Variants in ADGRV1 observed in about 807,000 individuals in gnomAD.
The protein encoded by ADGRV1 is G-protein coupled receptor 98.
Under a neutral mutation model 596.2 loss-of-function variants are expected in ADGRV1, and 359 were observed. The ratio of observed to expected loss-of-function variants is 0.60; its 90% CI spans 0.55 to 0.66. ADGRV1 has a LOEUF of 0.66. ADGRV1 is among the 30% of genes least tolerant of loss of function. The pLI is 0.00. For missense variants in ADGRV1, 7,274 were observed against 7,575.6 expected (o/e 0.96, Z 1.48); for synonymous variants, 2,681 against 2,679.2 (o/e 1.00, Z -0.02).
At chr5:90,620,757 C>T (rs71637308) in intron 4 of ADGRV1, among the ~76,000 whole-genome samples, 10,781 of 152,192 alleles carry the variant, frequency 0.071, 448 homozygotes, top group Non-Finnish European at 0.093. Flanking sequence ...TTTAATCTAT[C>T]TTGAATTAAT....
intron 87 of ADGRV1, among the ~76,000 whole-genome samples, chr5:91,132,229 AT>A (rs750787984): frequency 1.3e-5 from 2 of 152,222 alleles, no homozygotes; most frequent in Admixed American, 6.5e-5. Flanking sequence ...TATAGAACAA[AT>A]TGTTGAATTT....
intron 84 of ADGRV1, among the ~76,000 whole-genome samples, chr5:90,976,496 A>G (rs1374333185): frequency 1.3e-5 from 2 of 151,708 alleles, no homozygotes; most frequent in African/African-American, 2.4e-5. Flanking sequence ...ACTTTTTGCT[A>G]TAGTAAACAA....
chr5:90,643,416 A>C (rs2149431652), intron 13 of ADGRV1, among the ~76,000 whole-genome samples: 1 of 152,306 alleles, frequency 6.6e-6, no homozygotes, highest in Non-Finnish European at 1.5e-5. Context: ...GTTCAAAAAA[A>C]GAAATTTGAG....
At chr5:90,585,003 A>G (rs185018914) in intron 1 of ADGRV1, among the ~76,000 whole-genome samples, 1 of 152,304 alleles carries the variant, frequency 6.6e-6, no homozygotes, top group African/African-American at 2.4e-5. Context: ...TACCCATTTG[A>G]CAGAGGATGT....
intron 83 of ADGRV1, among the ~76,000 whole-genome samples, chr5:90,962,935 A>G (rs1201098951): frequency 1.3e-5 from 2 of 152,202 alleles, no homozygotes; most frequent in African/African-American, 4.8e-5. Context: ...AATTGCTTCA[A>G]AGAAAACATA....
chr5:90,642,012 C>G (rs917218251), intron 11 of ADGRV1, among the ~76,000 whole-genome samples: 1 of 152,126 alleles, frequency 6.6e-6, no homozygotes, highest in Non-Finnish European at 1.5e-5. Context: ...ATATTCCCTA[C>G]ATTTTCTTTT....
Position 90,811,084 on chromosome 5 carries a change from C to T in ADGRV1, c.15824C>T (p.Pro5275Leu), listed in dbSNP as rs754514658. The T allele has an allele frequency of 6.2e-7, 1 of 1,613,816 alleles. No individual in the cohort carries two copies. Among genetic ancestry groups the T allele is most frequent in the Admixed American group, 1.7e-5 (1 of 60,024 alleles). Reference protein sequence around the residue: ...RCAQMEPNALPFRGIYGISNL... With the variant: ...RCAQMEPNALLFRGIYGISNL... Reference sequence around the variant, plus strand: ...GCTCAGATGGAACCAAATGCATTGCCCTTTCGTGGTATCTATGGGATTTCC... The same window carrying T: ...GCTCAGATGGAACCAAATGCATTGCTCTTTCGTGGTATCTATGGGATTTCC... The change falls in exon 74 of 90, where the codon CCC becomes CTC. Residue 5275 changes from proline to leucine, a missense_variant. Physicochemically the swap from Pro to Leu is moderately conservative, Grantham distance 98. Coordinates refer to ENST00000405460, the MANE Select transcript of ADGRV1 (RefSeq NM_032119.4).
At chr5:90,838,632 T>C (rs1388521196) in intron 77 of ADGRV1, among the ~76,000 whole-genome samples, 2 of 152,170 alleles carry the variant, frequency 1.3e-5, no homozygotes, top group African/African-American at 4.8e-5. Flanking sequence ...AACAATATTT[T>C]CCCCAGTTTT....
chr5:90,755,223 G>A (rs1483080462), intron 55 of ADGRV1, 38 bp downstream of exon 55: 2 of 1,379,948 alleles, frequency 1.4e-6, no homozygotes, highest in South Asian at 1.4e-5. Context: ...CTAAAATAGA[G>A]GAAAATTCTC....
At chr5:90,939,896 G>T (rs933554912) in intron 83 of ADGRV1, among the ~76,000 whole-genome samples, 59 of 152,240 alleles carry the variant, frequency 3.9e-4, no homozygotes, top group Non-Finnish European at 4.9e-4. Flanking sequence ...GATTAAGAGA[G>T]ATTAGACATA....
chr5:90,695,236 T>C (rs926126989), intron 33 of ADGRV1, among the ~76,000 whole-genome samples: 8 of 152,176 alleles, frequency 5.3e-5, no homozygotes, highest in Non-Finnish European at 1.0e-4. Flanking sequence ...TTTATAATAC[T>C]GTTCCTACAC....
chr5:90,921,138 A>G (rs1417657378), intron 83 of ADGRV1, among the ~76,000 whole-genome samples: 1 of 152,210 alleles, frequency 6.6e-6, no homozygotes, highest in Non-Finnish European at 1.5e-5. Context: ...CATGTTTACA[A>G]TCACATGCAT....
intron 83 of ADGRV1, among the ~76,000 whole-genome samples, chr5:90,864,189 T>C (rs1057119900): frequency 6.6e-6 from 1 of 152,216 alleles, no homozygotes; most frequent in African/African-American, 2.4e-5. Context: ...GTTTGAAATA[T>C]GCTGTGTTAT....
At chr5:90,825,157 G>C (rs1397359570) in intron 76 of ADGRV1, among the ~76,000 whole-genome samples, 2 of 152,070 alleles carry the variant, frequency 1.3e-5, no homozygotes, top group Non-Finnish European at 2.9e-5. Context: ...GGCTAGTCTG[G>C]AACTTATAGC....
chr5:91,138,840 C>T (rs145872709), intron 87 of ADGRV1, among the ~76,000 whole-genome samples: 1,557 of 151,144 alleles, frequency 0.01, 25 homozygotes, highest in African/African-American at 0.036. Flanking sequence ...GGCACCATCT[C>T]GGCTCACTGC....
At chr5:91,137,096 A>C (rs997450523) in intron 87 of ADGRV1, among the ~76,000 whole-genome samples, 3 of 152,206 alleles carry the variant, frequency 2.0e-5, no homozygotes, top group African/African-American at 7.2e-5. Flanking sequence ...GCTATGCAAT[A>C]AATATGTATA....
At chr5:90,624,464 G>A (rs1233166960) in intron 5 of ADGRV1, among the ~76,000 whole-genome samples, 1 of 151,978 alleles carries the variant, frequency 6.6e-6, no homozygotes, top group Non-Finnish European at 1.5e-5. Flanking sequence ...TAACATTTTT[G>A]GAGTGCTTAA....
chr5:90,798,124 A>G (rs937300562), intron 70 of ADGRV1, among the ~76,000 whole-genome samples: 6 of 152,194 alleles, frequency 3.9e-5, no homozygotes, highest in Admixed American at 3.3e-4. Context: ...CAAAAAATCA[A>G]TCAATCCAGT....
At chr5:91,062,275 G>T (rs999429100) in intron 85 of ADGRV1, among the ~76,000 whole-genome samples, 3 of 152,170 alleles carry the variant, frequency 2.0e-5, no homozygotes, top group African/African-American at 7.2e-5. Context: ...CCAATAATGT[G>T]CAACTGTCCC....
Sources: allele counts gnomAD v4.1 joint callset (sites outside exome capture counted in the v4.1 genomes callset), GRCh38; gene constraint gnomAD v4.1.1; transcripts MANE v1.5; gene names NCBI Gene and HGNC (gene_info 2026-07-23, HGNC 2026-07-21).